Variants in NEK4 observed in about 807,000 individuals in gnomAD.
NEK4 encodes serine/threonine-protein kinase Nek4.
A neutral mutation model predicts 98.4 loss-of-function variants in NEK4; 86 were observed. The observed-to-expected ratio is 0.87, with a 90% CI of 0.73 to 1.05. The LOEUF is 1.05. Among genes scored for constraint, NEK4 ranks in the 50% least tolerant of loss-of-function variants. The pLI is 0.00. For missense variants in NEK4, 898 were observed against 950.3 expected (o/e 0.94, Z 0.72); for synonymous variants, 328 against 342.2 (o/e 0.96, Z 0.46).
rs1403639093 is a variant in NEK4, at chr3:52,765,877, T to C, written c.666+10A>G. 6.6e-7 allele frequency: 1 copy of C among 1,511,654 alleles called. No homozygotes were observed. The highest frequency in any genetic ancestry group is 9.2e-7 in the Non-Finnish European group (1 of 1,088,232). 93.6% of individuals were successfully genotyped at this position (1,511,654 alleles called of 1,614,324 possible). A position where few individuals can be genotyped will look rare whatever the true frequency, so the allele number is the denominator to read the frequency against. On this transcript the variant is annotated intron_variant, in intron 4 of 15. Transcript: ENST00000233027. ...AAATACTGGTCAATTAGTTCTAGAT[T>C]ATTCTTTACCTTTCCTTCAATAATC...
intron 10 of NEK4, 44 bp from the exon 11 acceptor site, chr3:52,744,349 T>A: frequency 7.3e-7 from 1 of 1,372,278 alleles, no homozygotes; most frequent in South Asian, 1.2e-5. Flanking sequence ...CTACTTGCTA[T>A]TTTTATAACA....
At chr3:52,740,417 T>C (rs2097383799) in intron 13 of NEK4, among the ~76,000 whole-genome samples, 1 of 151,608 alleles carries the variant, frequency 6.6e-6, no homozygotes, top group African/African-American at 2.4e-5. Context: ...ATACACGGGA[T>C]AGGATTAACA....
At position 52,734,258 on chromosome 3, in the gene NEK4, A is replaced by C. The variant is rs1057183443; in HGVS notation, c.2433+3328T>G. On this transcript the variant is annotated intron_variant, in intron 15 of 15. Transcript: ENST00000233027. Reference sequence around the variant, plus strand: ...TCAGGAGTTCAAGACCAGCCTGGCCAAAATGGTGAAACCCCGTCTCTACTC... The same window carrying C: ...TCAGGAGTTCAAGACCAGCCTGGCCCAAATGGTGAAACCCCGTCTCTACTC... 5.9e-5 allele frequency among the ~76,000 whole-genome samples: 9 copies of C among 152,016 alleles called. No homozygotes were observed. In the East Asian group the frequency reaches 1.7e-3, roughly 29 times the overall value.
rs34662992 is a variant in NEK4, at chr3:52,759,400, C to CAA, written c.963+1393_963+1394dup. On this transcript the variant is annotated intron_variant, in intron 6 of 15. Transcript: ENST00000233027. The stretch of plus-strand genomic sequence containing the variant: ...TAGGCAACAGAGCAAGACCCTGTAT[C>CAA]AAAAAAAAAAAAGCAAAAGCTTTAG... Among the ~76,000 whole-genome samples, 139 of 142,878 alleles carry CAA rather than the reference C, an allele frequency of 9.7e-4. 1 individual carries two copies. Among genetic ancestry groups the CAA allele is most frequent in the Admixed American group, 2.4e-3 (34 of 14,374 alleles). The allele number at this position is 142,878 out of a possible 152,430, so 93.7% of individuals were successfully genotyped here. A position where few individuals can be genotyped will look rare whatever the true frequency, so the allele number is the denominator to read the frequency against.
At position 52,748,970 on chromosome 3, in the gene NEK4, C is replaced by T. The variant is rs183989069; in HGVS notation, c.1506+722G>A. ...GGCGTGCTGGCGTATGCCTGTAGTC[C>T]CAGCTACTCGAGAGGGTAAGATTGG... On this transcript the variant is annotated intron_variant, in intron 8 of 15. Coordinates refer to ENST00000233027, the MANE Select transcript of NEK4 (RefSeq NM_003157.6). Among the ~76,000 whole-genome samples, 182 of 152,022 alleles carry T rather than the reference C, an allele frequency of 1.2e-3. 4 individuals are homozygous for T. The highest frequency in any genetic ancestry group is 4.2e-3 in the African/African-American group (176 of 41,456).
chr3:52,768,322 T>A lies in NEK4; in HGVS notation c.360+16A>T, dbSNP rs1241453968. ...CATCTGGGAACAAGCTAGGATGCTA[T>A]TAGTCTACACAGTACCTGCAAAGCC... On this transcript the variant is annotated intron_variant, in intron 2 of 15. Coordinates refer to ENST00000233027, the MANE Select transcript of NEK4 (RefSeq NM_003157.6). 1 of 1,602,784 alleles carries A rather than the reference T, an allele frequency of 6.2e-7. No homozygotes were observed. The highest frequency in any genetic ancestry group is 1.7e-5 in the Admixed American group (1 of 59,612).
intron 14 of NEK4, among the ~76,000 whole-genome samples, chr3:52,738,152 A>G (rs954648032): frequency 6.6e-6 from 1 of 151,510 alleles, no homozygotes; most frequent in Non-Finnish European, 1.5e-5. Flanking sequence ...GCACTGTCAT[A>G]GGGATGTAGT....
At chr3:52,743,729 A>T (rs2097390752) in intron 11 of NEK4, among the ~76,000 whole-genome samples, 2 of 152,336 alleles carry the variant, frequency 1.3e-5, no homozygotes, top group Non-Finnish European at 2.9e-5. Context: ...TTTTGGCAGT[A>T]CTGTAAATGT....
intron 15 of NEK4, among the ~76,000 whole-genome samples, chr3:52,736,369 G>A (rs1191476884): frequency 6.6e-6 from 1 of 152,134 alleles, no homozygotes; most frequent in African/African-American, 2.4e-5. Context: ...GGCAGATCAT[G>A]AGGTCAGGAG....
intron 6 of NEK4, among the ~76,000 whole-genome samples, chr3:52,757,551 G>A (rs1245249099): frequency 2.2e-5 from 3 of 136,644 alleles, no homozygotes; most frequent in Non-Finnish European, 3.1e-5. Flanking sequence ...GTGAGACTCC[G>A]TCTCAAAAAA....
chr3:52,768,886 A>G (rs1033546709), intron 1 of NEK4, among the ~76,000 whole-genome samples: 2 of 152,246 alleles, frequency 1.3e-5, no homozygotes, highest in African/African-American at 4.8e-5. Context: ...AGTTCAAGAT[A>G]ACATACCATT....
intron 15 of NEK4, among the ~76,000 whole-genome samples, chr3:52,724,262 C>CACACACACACACAA (rs1312010300): frequency 1.3e-5 from 2 of 150,818 alleles, no homozygotes; most frequent in Admixed American, 6.6e-5. Flanking sequence ...CACACACACA[C>CACACACACACACAA]AAAACTGTCA....
At chr3:52,761,644 G>A (rs745947702) in intron 5 of NEK4, among the ~76,000 whole-genome samples, 5 of 152,154 alleles carry the variant, frequency 3.3e-5, no homozygotes, top group African/African-American at 4.8e-5. Context: ...ATTAGGGTAT[G>A]TAATCTGGTA....
chr3:52,742,196 T>C (rs1382824523), intron 12 of NEK4, among the ~76,000 whole-genome samples: 2 of 152,190 alleles, frequency 1.3e-5, no homozygotes, highest in Non-Finnish European at 2.9e-5. Context: ...TATAGGAATG[T>C]TGGCATTTTA....
chr3:52,752,254 C>T lies in NEK4; in HGVS notation c.1046G>A (p.Cys349Tyr), dbSNP rs746086484. Residue 349 changes from cysteine to tyrosine, a missense_variant, in exon 7 of 16, where the codon TGC (cysteine) becomes TAC (tyrosine). By Grantham distance (194) the Cys-to-Tyr change is radical (BLOSUM62 -2). Coordinates refer to ENST00000233027, the MANE Select transcript of NEK4 (RefSeq NM_003157.6). ...TGTGGTATTGCTCAAGTCCTGTTTG[C>T]AGGTATGGGCTTTCAGACTGGCAGG... is the stretch of plus-strand genomic sequence containing the variant. ...KSPASLKAHT[C>Y]KQDLSNTTEL... The T allele has an allele frequency of 6.2e-7, 1 of 1,614,172 alleles. No homozygotes were observed. Among genetic ancestry groups the T allele is most frequent in the Non-Finnish European group, 8.5e-7 (1 of 1,180,036 alleles).
chr3:52,758,170 C>T (rs1269310500), intron 6 of NEK4, among the ~76,000 whole-genome samples: 5 of 92,374 alleles, frequency 5.4e-5, no homozygotes, highest in Non-Finnish European at 7.6e-5. Flanking sequence ...CACAGCAAGA[C>T]ACCATCTCAA....
chr3:52,763,304 A>G (rs1698425781), intron 5 of NEK4, among the ~76,000 whole-genome samples, 166 bp downstream of exon 5: 1 of 152,254 alleles, frequency 6.6e-6, no homozygotes, highest in African/African-American at 2.4e-5. Flanking sequence ...CTCAGCCAAG[A>G]AACCCTAAGA....
At chr3:52,743,648 A>G (rs943487825) in intron 11 of NEK4, among the ~76,000 whole-genome samples, 187 bp from the exon 12 acceptor site, 2 of 152,204 alleles carry the variant, frequency 1.3e-5, no homozygotes, top group Admixed American at 6.5e-5. Context: ...CAGCTCTGTG[A>G]CCTTGGGCAA....
In NEK4 at chr3:52,711,658, A is replaced by G; in HGVS notation, c.*119T>C. The G allele has an allele frequency of 3.1e-6, 2 of 654,698 alleles. No homozygotes were observed. Among genetic ancestry groups the G allele is most frequent in the Non-Finnish European group, 5.5e-6 (2 of 362,070 alleles). 40.6% of individuals were successfully genotyped at this position (654,698 alleles called of 1,614,324 possible). On this transcript the variant is annotated 3_prime_UTR_variant, in exon 16 of 16. Transcript: ENST00000233027. ...TTCTGTAGGGAAACGCCAAAGAGAT[A>G]TAAAAAAGAGATATAAAACAGTGGT... is the stretch of plus-strand genomic sequence containing the variant.
Sources: gnomAD v4.1 joint callset for allele counts (sites outside exome capture counted in the v4.1 genomes callset) on GRCh38, gnomAD v4.1.1 for gene constraint, MANE v1.5 for transcripts, NCBI Gene and HGNC (gene_info 2026-07-23, HGNC 2026-07-21) for gene names.